Variants in APBB1 observed in about 807,000 individuals in gnomAD.
APBB1 encodes the protein amyloid beta precursor protein binding family B member 1.
Under a neutral mutation model 78.4 loss-of-function variants are expected in APBB1, and 22 were observed. The observed-to-expected ratio is 0.28, with a 90% CI of 0.20 to 0.40. The LOEUF (loss-of-function observed/expected upper bound fraction) is 0.40, where lower values mean the gene tolerates loss of function less well. Among genes scored for constraint, APBB1 ranks in the 10% least tolerant of loss-of-function variants. APBB1 has a pLI of 1.00. For synonymous variants in APBB1, 369 were observed against 372.7 expected (o/e 0.99, Z 0.12); for missense variants, 749 against 932.4 (o/e 0.80, Z 2.56).
chr11:6,415,195 CTGGGT>C (rs1279432668), intron 1 of APBB1, among the ~76,000 whole-genome samples: 1 of 152,204 alleles, frequency 6.6e-6, no homozygotes, highest in African/African-American at 2.4e-5. Flanking sequence ...AAAGAGCCAA[CTGGGT>C]TCTGGCTCAA....
At chr11:6,405,526 G>T in intron 2 of APBB1, 1 of 986,170 alleles carries the variant, frequency 1.0e-6, no homozygotes, top group Non-Finnish European at 1.2e-6. Flanking sequence ...AGTACTAAGG[G>T]ACAGGCAGTC....
intron 13 of APBB1, 46 bp from the exon 14 acceptor site, chr11:6,396,008 G>C: frequency 6.2e-7 from 1 of 1,605,478 alleles, no homozygotes; most frequent in Non-Finnish European, 8.5e-7. Flanking sequence ...ACCCCACACT[G>C]TGTTCCACAT....
At chr11:6,400,531 G>A (rs912544531) in intron 12 of APBB1, among the ~76,000 whole-genome samples, 1 of 128,026 alleles carries the variant, frequency 7.8e-6, no homozygotes, top group African/African-American at 3.0e-5. Flanking sequence ...GACAGAGCGA[G>A]ACTTGTCTTT....
chr11:6,400,410 C>T (rs903067699), intron 12 of APBB1, among the ~76,000 whole-genome samples: 16 of 152,022 alleles, frequency 1.1e-4, no homozygotes, highest in African/African-American at 3.9e-4. Flanking sequence ...GGCGTGGTGG[C>T]GGGAGCCTGT....
chr11:6,416,554 A>C (rs1849121132), intron 1 of APBB1, among the ~76,000 whole-genome samples: 1 of 152,132 alleles, frequency 6.6e-6, no homozygotes, highest in Admixed American at 6.6e-5. Flanking sequence ...ATCCCGGCTC[A>C]TGGAATGATA....
intron 1 of APBB1, among the ~76,000 whole-genome samples, chr11:6,415,954 T>G (rs1255196821): frequency 1.3e-5 from 2 of 152,174 alleles, no homozygotes; most frequent in Admixed American, 6.5e-5. Flanking sequence ...GCAAACTTCC[T>G]GAGAGAGTTG....
At position 6,410,844 on chromosome 11, in the gene APBB1, C is replaced by T; in HGVS notation, c.504G>A (p.Glu168=). ...EEEEEDDDDE[E]EEEDLSSPPG... Reference sequence around the variant, plus strand: ...GGGGAGAAGATAAGTCCTCCTCCTCCTCTTCATCATCATCATCCTCCTCCT... The same window carrying T: ...GGGGAGAAGATAAGTCCTCCTCCTCTTCTTCATCATCATCATCCTCCTCCT... The change falls in exon 2 of 15, where the codon GAG becomes GAA. Residue 168 remains glutamate (E), a synonymous_variant. Coordinates refer to ENST00000609360, the MANE Select transcript of APBB1 (RefSeq NM_001164.5). 4.3e-6 allele frequency: 7 copies of T among 1,613,940 alleles called. No homozygotes were observed. The South Asian group carries it at 7.7e-5, about 18-fold the overall frequency.
intron 1 of APBB1, among the ~76,000 whole-genome samples, chr11:6,415,637 C>T (rs1362786932): frequency 1.3e-5 from 2 of 152,102 alleles, no homozygotes; most frequent in African/African-American, 2.4e-5. Context: ...ATTGGCCACC[C>T]GTCTCAGAGG....
chr11:6,412,841 T>C (rs1050113501), intron 1 of APBB1, among the ~76,000 whole-genome samples: 5 of 152,158 alleles, frequency 3.3e-5, no homozygotes, highest in African/African-American at 9.7e-5. Flanking sequence ...CTATGCCTTA[T>C]GGTGCCCCAA....
chr11:6,402,843 A>ACC, intron 6 of APBB1, 118 bp from the exon 7 acceptor site: 2 of 1,307,422 alleles, frequency 1.5e-6, no homozygotes, highest in Non-Finnish European at 1.1e-6. Context: ...AAGCTCCCCA[A>ACC]ACAGGATGTG....
In APBB1 at chr11:6,411,958, G is replaced by C. The variant is rs916655018; in HGVS notation, c.-14-597C>G. On this transcript the variant is annotated intron_variant, in intron 1 of 14. Coordinates refer to ENST00000609360, the MANE Select transcript of APBB1 (RefSeq NM_001164.5). This position sits in a 1 kb window ranked among gnomAD's most constrained non-coding sequence, Gnocchi z 5.2. ...ATGGCACTGGAAGGCAGGTCACAGA[G>C]GGAGGGCGCTCGGCTGCAATTCATG... Among the ~76,000 whole-genome samples, 2 of 152,240 alleles carry C rather than the reference G, an allele frequency of 1.3e-5. No individual in the cohort carries two copies. The highest frequency in any genetic ancestry group is 6.5e-5 in the Admixed American group (1 of 15,284).
intron 1 of APBB1, among the ~76,000 whole-genome samples, chr11:6,415,339 C>T (rs1463326829): frequency 6.6e-6 from 1 of 152,206 alleles, no homozygotes; most frequent in Non-Finnish European, 1.5e-5. Flanking sequence ...TCTAATCTGA[C>T]AGCTTCCCAT....
intron 12 of APBB1, chr11:6,396,637 A>G (rs1230911607): frequency 1.5e-5 from 3 of 205,536 alleles, no homozygotes; most frequent in Non-Finnish European, 2.9e-5. Context: ...TAAGATATCT[A>G]TCTGAGGAGT....
intron 1 of APBB1, among the ~76,000 whole-genome samples, chr11:6,412,951 T>C (rs1399213845): frequency 1.3e-5 from 2 of 151,944 alleles, no homozygotes; most frequent in Non-Finnish European, 2.9e-5. Flanking sequence ...CCTTCGTGGG[T>C]CAGTTTCTCC....
At chr11:6,402,302 C>G (rs961033305) in intron 7 of APBB1, 93 bp from the exon 8 acceptor site, 27 of 1,544,124 alleles carry the variant, frequency 1.7e-5, no homozygotes, top group Non-Finnish European at 3.5e-6. Flanking sequence ...AGCCACAGCT[C>G]TGGGGCCCCT....
At chr11:6,396,494 T>C in intron 12 of APBB1, 1 of 391,646 alleles carries the variant, frequency 2.6e-6, no homozygotes, top group Non-Finnish European at 4.6e-6. Context: ...CTGACTGACC[T>C]CTCAAAGTTC....
chr11:6,417,014 G>A (rs1387212942), intron 1 of APBB1, among the ~76,000 whole-genome samples: 2 of 152,198 alleles, frequency 1.3e-5, no homozygotes, highest in Admixed American at 6.5e-5. Flanking sequence ...AAAGTGCTGG[G>A]ATTACAGGCG....
upstream of APBB1, chr11:6,419,232 T>G: frequency 3.4e-6 from 1 of 296,756 alleles, no homozygotes; most frequent in Non-Finnish European, 6.2e-6. Flanking sequence ...CGGGCGGCCC[T>G]CGGACCTCGG....
intron 12 of APBB1, among the ~76,000 whole-genome samples, chr11:6,397,737 G>A (rs1341267243): frequency 2.0e-5 from 3 of 152,206 alleles, no homozygotes; most frequent in African/African-American, 4.8e-5. Flanking sequence ...ACACTGGGCC[G>A]TGGCCATCTC....
Sources: gnomAD v4.1 joint callset for allele counts (sites outside exome capture counted in the v4.1 genomes callset) on GRCh38, gnomAD v4.1.1 for gene constraint, Gnocchi (gnomAD v3.1) non-coding constraint, MANE v1.5 for transcripts, NCBI Gene and HGNC (gene_info 2026-07-23, HGNC 2026-07-21) for gene names.